Variants in TLE1 observed in about 807,000 individuals in gnomAD.
TLE1 encodes the protein transducin-like enhancer protein 1.
TLE1 carries 21 observed loss-of-function variants against 89.8 expected under a neutral mutation model. That is an observed-to-expected ratio of 0.23 (90% CI 0.17 to 0.34). The LOEUF is 0.34. TLE1 is among the 10% of genes least tolerant of loss of function. The pLI, the probability that TLE1 is intolerant of heterozygous loss-of-function variation, is 1.00. For synonymous variants in TLE1, 447 were observed against 407.6 expected (o/e 1.10, Z -1.16); for missense variants, 795 against 1,031.2 (o/e 0.77, Z 3.14).
intron 4 of TLE1, among the ~76,000 whole-genome samples, chr9:81,669,616 C>T (rs7021592): frequency 1.3e-5 from 2 of 152,086 alleles, no homozygotes; most frequent in Admixed American, 6.6e-5. Context: ...CCACCCTCCC[C>T]CCCCACACCA....
intron 6 of TLE1, among the ~76,000 whole-genome samples, chr9:81,642,844 TGAACAGATAAA>T (rs1184990413): frequency 6.6e-6 from 1 of 152,174 alleles, no homozygotes; most frequent in African/African-American, 2.4e-5. Context: ...TGTTGATGGA[TGAACAGATAAA>T]GAAAATGTGG....
In TLE1 at chr9:81,584,253, T is replaced by C; in HGVS notation, c.2258A>G (p.Tyr753Cys). 1 of 1,614,224 alleles carries C rather than the reference T, an allele frequency of 6.2e-7. No individual in the cohort carries two copies. Among genetic ancestry groups the C allele is most frequent in the Non-Finnish European group, 8.5e-7 (1 of 1,180,042 alleles). The change falls in exon 20 of 20, where the codon TAC becomes TGC. Residue 753 changes from tyrosine (Y) to cysteine (C), a missense_variant. Tyr to Cys is a radical substitution (Grantham distance 194). Coordinates refer to ENST00000376499, the MANE Select transcript of TLE1 (RefSeq NM_005077.5). ...LSCDISVDDK[Y>C]IVTGSGDKKA... Reference sequence around the variant, plus strand: ...CTTGTCCCCCGAGCCAGTGACTATGTACTTATCATCCACAGAGATGTCACA... The same window carrying C: ...CTTGTCCCCCGAGCCAGTGACTATGCACTTATCATCCACAGAGATGTCACA...
At chr9:81,657,847 G>A (rs970539072) in intron 4 of TLE1, among the ~76,000 whole-genome samples, 4 of 146,896 alleles carry the variant, frequency 2.7e-5, no homozygotes, top group African/African-American at 5.1e-5. Flanking sequence ...AATGGTTGTT[G>A]TATTATTTAG....
At position 81,610,215 on chromosome 9, in the gene TLE1, C is replaced by G; in HGVS notation, c.1331+5G>C. ...AAACAAAACCAAGGTCTTTGAGGTACTTACGGTTTCCCCCCAGGGATTCCT... is the reference window on the plus strand; with the variant it reads ...AAACAAAACCAAGGTCTTTGAGGTAGTTACGGTTTCCCCCCAGGGATTCCT... On this transcript the variant is annotated splice_donor_5th_base_variant and intron_variant, in intron 14 of 19. Coordinates refer to ENST00000376499, the MANE Select transcript of TLE1 (RefSeq NM_005077.5). 1 of 1,613,174 alleles carries G rather than the reference C, an allele frequency of 6.2e-7. No individual in the cohort carries two copies. Among genetic ancestry groups the G allele is most frequent in the Non-Finnish European group, 8.5e-7 (1 of 1,179,412 alleles).
At position 81,641,204 on chromosome 9, in the gene TLE1, A is replaced by AAAAT. The variant is rs1373073615; in HGVS notation, c.373-6907_373-6904dup. 5.9e-4 allele frequency among the ~76,000 whole-genome samples: 80 copies of AAAAT among 136,322 alleles called. 1 individual carries two copies. Among genetic ancestry groups the AAAAT allele is most frequent in the African/African-American group, 1.7e-3 (60 of 35,996 alleles). 89.4% of individuals were successfully genotyped at this position (136,322 alleles called of 152,430 possible). ...CTCAATTCCTATCTTGGGAGACAGC[A>AAAAT]AAATAAATAAATAAATAAATAAAAA... On this transcript the variant is annotated intron_variant, in intron 6 of 19. Coordinates refer to ENST00000376499, the MANE Select transcript of TLE1 (RefSeq NM_005077.5).
At chr9:81,630,623 A>T (rs1479282498) in intron 8 of TLE1, among the ~76,000 whole-genome samples, 1 of 152,196 alleles carries the variant, frequency 6.6e-6, no homozygotes, top group Non-Finnish European at 1.5e-5. Flanking sequence ...TGAGGCCATA[A>T]GGCTTTGAAA....
In TLE1 at chr9:81,660,753, A is replaced by G. The variant is rs7044143; in HGVS notation, c.235-6717T>C. Among the ~76,000 whole-genome samples the G allele has an allele frequency of 5.3e-3, 808 of 151,198 alleles. 7 individuals are homozygous for G. The highest frequency in any genetic ancestry group is 0.018 in the African/African-American group (763 of 41,256). ...TAACTGAGCAGAAATACGGCCAAGG[A>G]CCTCAGAGATCAGCAATCAATCAAA... On this transcript the variant is annotated intron_variant, in intron 4 of 19. Coordinates refer to ENST00000376499, the MANE Select transcript of TLE1 (RefSeq NM_005077.5).
At chr9:81,635,989 T>C (rs1475147914) in intron 6 of TLE1, among the ~76,000 whole-genome samples, 1 of 152,110 alleles carries the variant, frequency 6.6e-6, no homozygotes, top group African/African-American at 2.4e-5. Context: ...GGAGATTCCA[T>C]CTCTATTTAA....
chr9:81,655,094 G>A (rs569637477), intron 4 of TLE1, among the ~76,000 whole-genome samples: 153 of 152,062 alleles, frequency 1.0e-3, no homozygotes, highest in Non-Finnish European at 1.9e-3. Context: ...GGCCGGGTGC[G>A]GTGGCTCGCG....
Position 81,688,313 on chromosome 9 carries a change from C to T in TLE1, c.-73G>A, listed in dbSNP as rs369345680. ...GGTCAATTTCCAACTTTAATCCCGCCGAGGAAAATTAAGCCGGAAAGCCAA... is the reference window on the plus strand; with the variant it reads ...GGTCAATTTCCAACTTTAATCCCGCTGAGGAAAATTAAGCCGGAAAGCCAA... On this transcript the variant is annotated 5_prime_UTR_variant, in exon 1 of 20. Transcript: ENST00000376499. 8 of 1,436,932 alleles carry T rather than the reference C, an allele frequency of 5.6e-6. No homozygotes were observed. The highest frequency in any genetic ancestry group is 7.3e-6 in the Non-Finnish European group (8 of 1,090,782). 89.0% of individuals were successfully genotyped at this position (1,436,932 alleles called of 1,614,324 possible).
chr9:81,660,662 G>C (rs1033255752), intron 4 of TLE1, among the ~76,000 whole-genome samples: 1 of 150,580 alleles, frequency 6.6e-6, no homozygotes, highest in African/African-American at 2.4e-5. Flanking sequence ...GTGATTCGCC[G>C]GTCTCAGCCT....
chr9:81,656,155 G>A (rs1251272582), intron 4 of TLE1, among the ~76,000 whole-genome samples: 1 of 152,160 alleles, frequency 6.6e-6, no homozygotes, highest in African/African-American at 2.4e-5. Flanking sequence ...AAAGGGTGCA[G>A]CTGTACCAGG....
intron 6 of TLE1, among the ~76,000 whole-genome samples, chr9:81,642,803 G>A (rs778727545): frequency 1.3e-5 from 2 of 152,156 alleles, no homozygotes; most frequent in African/African-American, 4.8e-5. Flanking sequence ...TGCTATTCAC[G>A]AGAGCCAAGA....
intron 6 of TLE1, among the ~76,000 whole-genome samples, chr9:81,647,688 A>G (rs1829024329): frequency 6.6e-6 from 1 of 152,170 alleles, no homozygotes; most frequent in African/African-American, 2.4e-5. Flanking sequence ...GGGAAGGTAG[A>G]CGGTATTACC....
At chr9:81,597,626 G>GC (rs1396521301) in intron 14 of TLE1, among the ~76,000 whole-genome samples, 1 of 152,220 alleles carries the variant, frequency 6.6e-6, no homozygotes, top group East Asian at 1.9e-4. Context: ...CTGAGACCCA[G>GC]CCCCCACCTA....
intron 6 of TLE1, among the ~76,000 whole-genome samples, chr9:81,638,560 G>A (rs952260320): frequency 3.9e-5 from 6 of 152,072 alleles, no homozygotes; most frequent in African/African-American, 1.2e-4. Flanking sequence ...TATATTTTAG[G>A]AAAAAGTGAT....
chr9:81,657,799 A>G (rs1404567907), intron 4 of TLE1, among the ~76,000 whole-genome samples: 1 of 151,958 alleles, frequency 6.6e-6, no homozygotes, highest in South Asian at 2.1e-4. Context: ...TCATCTCCAG[A>G]TTACTTAAAA....
intron 8 of TLE1, among the ~76,000 whole-genome samples, chr9:81,632,181 T>G (rs957957128): frequency 3.3e-5 from 5 of 152,186 alleles, no homozygotes; most frequent in Non-Finnish European, 5.9e-5. Flanking sequence ...ATCTGTACTC[T>G]GTGTGTAGAA....
intron 4 of TLE1, among the ~76,000 whole-genome samples, chr9:81,673,166 G>A (rs766324350): frequency 4.6e-5 from 7 of 151,690 alleles, no homozygotes; most frequent in Admixed American, 1.3e-4. Context: ...CCAGCTACTC[G>A]GGAGGCTGAG....
Sources: gnomAD v4.1 joint callset for allele counts (sites outside exome capture counted in the v4.1 genomes callset) on GRCh38, gnomAD v4.1.1 for gene constraint, MANE v1.5 for transcripts, NCBI Gene and HGNC (gene_info 2026-07-23, HGNC 2026-07-21) for gene names.